The following SH3GLB2 variants were observed in gnomAD, a reference collection of about 807,000 sequenced individuals.
SH3GLB2 encodes SH3 domain containing GRB2 like, endophilin B2, also known as endophilin-B2.
A neutral mutation model predicts 48.0 loss-of-function variants in SH3GLB2; 24 were observed. The ratio of observed to expected loss-of-function variants is 0.50; its 90% CI spans 0.36 to 0.70. SH3GLB2 has a LOEUF of 0.70. Among genes scored for constraint, SH3GLB2 ranks in the 30% least tolerant of loss-of-function variants. SH3GLB2 has a pLI of 0.00. For synonymous variants in SH3GLB2, 227 were observed against 207.6 expected (o/e 1.09, Z -0.80); for missense variants, 425 against 516.0 (o/e 0.82, Z 1.71).
rs1480757323 is a variant in SH3GLB2, at chr9:129,009,634, G to A, written c.839+137C>T. 2.1e-5 allele frequency: 29 copies of A among 1,376,910 alleles called. 1 individual carries two copies. Among genetic ancestry groups the A allele is most frequent in the South Asian group, 1.6e-4 (12 of 77,172 alleles). 85.3% of individuals were successfully genotyped at this position (1,376,910 alleles called of 1,614,324 possible). A position where few individuals can be genotyped will look rare whatever the true frequency, so the allele number is the denominator to read the frequency against. On this transcript the variant is annotated intron_variant, in intron 9 of 10. Coordinates refer to ENST00000372564, the MANE Select transcript of SH3GLB2 (RefSeq NM_020145.4). ...CCACCCTCATACACATGAGATGCCC[G>A]CACCCAGAGTGGGTTCCAGCAGAGC... is the stretch of plus-strand genomic sequence containing the variant.
rs1260636441 is a variant in SH3GLB2 at position 129,014,721 on chromosome 9, G to C, written c.468+50C>G. ...AGAGCCTGTACTCAAAGGCTCTGAG[G>C]AGGGAACTGCCATGGTTACCAGGAA... On this transcript the variant is annotated intron_variant, in intron 4 of 10. Coordinates refer to ENST00000372564, the MANE Select transcript of SH3GLB2 (RefSeq NM_020145.4). This position sits in a 1 kb window ranked among gnomAD's most constrained non-coding sequence, Gnocchi z 4.1. 3 of 1,590,804 alleles carry C rather than the reference G, an allele frequency of 1.9e-6. No individual in the cohort carries two copies. Among genetic ancestry groups the C allele is most frequent in the East Asian group, 4.5e-5 (2 of 44,728 alleles).
In SH3GLB2 at chr9:129,028,312, G is replaced by A; in HGVS notation, c.-158C>T. The A allele has an allele frequency of 6.5e-6, 2 of 309,600 alleles. No homozygotes were observed. Among genetic ancestry groups the A allele is most frequent in the Non-Finnish European group, 9.3e-6 (2 of 215,314 alleles). The allele number at this position is 309,600 out of a possible 1,614,324, so 19.2% of individuals were successfully genotyped here. On this transcript the variant is annotated 5_prime_UTR_variant, in exon 1 of 11. Transcript: ENST00000372564. ...CGCCTGCCCGCCCGCCGCAGCCGCC[G>A]AGCCAGCCCGAGCGCGCAGGGCGGG...
chr9:129,012,614 G>A (rs1185654610), intron 5 of SH3GLB2: 1 of 425,956 alleles, frequency 2.3e-6, no homozygotes, highest in East Asian at 3.6e-5. Context: ...AGGGGCCACA[G>A]CCCCCTCCTC....
At chr9:129,025,765 C>G (rs1844125490) in intron 1 of SH3GLB2, among the ~76,000 whole-genome samples, 1 of 151,804 alleles carries the variant, frequency 6.6e-6, no homozygotes, top group Non-Finnish European at 1.5e-5. Flanking sequence ...CAGAGCAGCA[C>G]TCCCCACCCC....
chr9:129,009,837 T>C lies in SH3GLB2; in HGVS notation c.773A>G (p.Lys258Arg), dbSNP rs1298772297. ...NHLRCLHEFV[K>R]SQTTYYAQCY... Reference sequence around the variant, plus strand: ...CTGTGCGTAGTAGGTTGTCTGAGACTTGACGAACTCGTGGAGGCAGCGCAG... The same window carrying C: ...CTGTGCGTAGTAGGTTGTCTGAGACCTGACGAACTCGTGGAGGCAGCGCAG... The change falls in exon 9 of 11, where the codon AAG becomes AGG. Residue 258 changes from lysine (K) to arginine (R), a missense_variant. Lys to Arg is a conservative substitution (Grantham distance 26). Transcript: ENST00000372564. 4 of 1,614,042 alleles carry C rather than the reference T, an allele frequency of 2.5e-6. No homozygotes were observed. Among genetic ancestry groups the C allele is most frequent in the Non-Finnish European group, 3.4e-6 (4 of 1,179,960 alleles).
intron 7 of SH3GLB2, 130 bp downstream of exon 7, chr9:129,010,540 G>C: frequency 9.5e-7 from 1 of 1,056,266 alleles, no homozygotes. Flanking sequence ...GGCCCAGGGA[G>C]GGAAAGCAGT....
At chr9:129,021,692 C>T (rs1256120512) in intron 2 of SH3GLB2, among the ~76,000 whole-genome samples, 2 of 151,750 alleles carry the variant, frequency 1.3e-5, no homozygotes, top group Non-Finnish European at 2.9e-5. Context: ...GACACGGTGG[C>T]TCCTGCCTAT....
In SH3GLB2 at chr9:129,008,436, G is replaced by A. The variant is rs551551690; in HGVS notation, c.*248C>T. On this transcript the variant is annotated 3_prime_UTR_variant, in exon 11 of 11. Coordinates refer to ENST00000372564, the MANE Select transcript of SH3GLB2 (RefSeq NM_020145.4). ...CCCTCCCTCCTTAGTGGAGCCTGGA[G>A]GGTGGGGTGCTCGGGGATGCAGGCA... 1 of 468,302 alleles carries A rather than the reference G, an allele frequency of 2.1e-6. No homozygotes were observed. The highest frequency in any genetic ancestry group is 2.0e-5 in the South Asian group (1 of 48,798). 29.0% of individuals were successfully genotyped at this position (468,302 alleles called of 1,614,324 possible). A position where few individuals can be genotyped will look rare whatever the true frequency, so the allele number is the denominator to read the frequency against.
intron 1 of SH3GLB2, among the ~76,000 whole-genome samples, chr9:129,025,802 C>T (rs1306318521): frequency 6.6e-6 from 1 of 151,466 alleles, no homozygotes; most frequent in African/African-American, 2.4e-5. Context: ...CACATCTGCC[C>T]AGGTGAGAAG....
rs533780724 is a variant in SH3GLB2 at position 129,025,515 on chromosome 9, G to A, written c.63+2577C>T. Reference sequence around the variant, plus strand: ...TGAAAGGTGGAGGTTGCAGTGAGCCGAGATTGTGCCACTGCACTCCAGCCT... The same window carrying A: ...TGAAAGGTGGAGGTTGCAGTGAGCCAAGATTGTGCCACTGCACTCCAGCCT... On this transcript the variant is annotated intron_variant, in intron 1 of 10. Transcript: ENST00000372564. 2.6e-5 allele frequency among the ~76,000 whole-genome samples: 4 copies of A among 151,350 alleles called. No homozygotes were observed. In the East Asian group the frequency reaches 5.8e-4, roughly 22 times the overall value.
At chr9:129,025,747 C>A (rs1005950737) in intron 1 of SH3GLB2, among the ~76,000 whole-genome samples, 33 of 151,840 alleles carry the variant, frequency 2.2e-4, no homozygotes, top group African/African-American at 7.0e-4. Flanking sequence ...CCCCTCCTTA[C>A]CAAGGTTCAG....
rs1389621274 is a variant in SH3GLB2 at position 129,014,828 on chromosome 9, G to C, written c.411C>G (p.Ser137=). The C allele has an allele frequency of 6.2e-7, 1 of 1,613,976 alleles. No homozygotes were observed. Among genetic ancestry groups the C allele is most frequent in the Admixed American group, 1.7e-5 (1 of 59,986 alleles). ...TGCGCAAGGGTGTGAGGAAGCTGAT[G>C]GAGGCCGTGTGGATAAAATCCCTCT... The part of the protein sequence containing the change: ...AAERDFIHTA[S]ISFLTPLRNF... Residue 137 remains serine (S), a synonymous_variant, in exon 4 of 11, where the codon TCC becomes TCG. Transcript: ENST00000372564. This position sits in a 1 kb window ranked among gnomAD's most constrained non-coding sequence, Gnocchi z 4.1.
intron 1 of SH3GLB2, among the ~76,000 whole-genome samples, chr9:129,024,823 A>G (rs962360743): frequency 2.0e-5 from 3 of 151,368 alleles, no homozygotes; most frequent in African/African-American, 7.3e-5. Context: ...ACAAAAAATT[A>G]GCCAAGCGTG....
At chr9:129,024,927 G>A (rs533511639) in intron 1 of SH3GLB2, among the ~76,000 whole-genome samples, 3 of 147,766 alleles carry the variant, frequency 2.0e-5, no homozygotes, top group Non-Finnish European at 4.5e-5. Context: ...CCGAGATCAC[G>A]CCACTGCACT....
chr9:129,018,495 T>C (rs188941344), intron 3 of SH3GLB2, among the ~76,000 whole-genome samples: 8 of 151,006 alleles, frequency 5.3e-5, no homozygotes, highest in African/African-American at 2.0e-4. Context: ...GAGAATTGCT[T>C]GAACCCAGGA....
chr9:129,010,969 G>T, intron 6 of SH3GLB2: 1 of 517,200 alleles, frequency 1.9e-6, no homozygotes, highest in Non-Finnish European at 3.5e-6. Flanking sequence ...TCTCTGAGTG[G>T]GGTCTCAAGA....
Position 129,008,255 on chromosome 9 carries a change from G to C in SH3GLB2, c.*429C>G, listed in dbSNP as rs1284158514. ...CCCAGGGGCAGCGCCCAGTCCCCAG[G>C]GGCTGCCAGAGCCCTGTGTGCCTTG... is the stretch of plus-strand genomic sequence containing the variant. On this transcript the variant is annotated 3_prime_UTR_variant, in exon 11 of 11. Coordinates refer to ENST00000372564, the MANE Select transcript of SH3GLB2 (RefSeq NM_020145.4). 5.0e-6 allele frequency: 1 copy of C among 198,470 alleles called. No homozygotes were observed. Among genetic ancestry groups the C allele is most frequent in the African/African-American group, 2.4e-5 (1 of 42,530 alleles). The allele number at this position is 198,470 out of a possible 1,614,324, so 12.3% of individuals were successfully genotyped here.
Position 129,008,806 on chromosome 9 carries a change from G to A in SH3GLB2, c.1081-15C>T, listed in dbSNP as rs1236034306. On this transcript the variant is annotated splice_polypyrimidine_tract_variant and intron_variant, in intron 10 of 10. Transcript: ENST00000372564. ...ACAGTGATGAGCTGCAGAGATGGCA[G>A]TAGAGGACGGTCATGGCCTGGCCAA... 2 of 1,610,286 alleles carry A rather than the reference G, an allele frequency of 1.2e-6. No individual in the cohort carries two copies. The highest frequency in any genetic ancestry group is 1.7e-5 in the Admixed American group (1 of 59,938).
At chr9:129,008,832 G>A in intron 10 of SH3GLB2, 41 bp from the exon 11 acceptor site, 1 of 1,570,990 alleles carries the variant, frequency 6.4e-7, no homozygotes, top group Non-Finnish European at 8.7e-7. Context: ...GCCTGGCCAA[G>A]GGTGGAACTG....
Sources: allele counts gnomAD v4.1 joint callset (sites outside exome capture counted in the v4.1 genomes callset), GRCh38; gene constraint gnomAD v4.1.1; non-coding constraint Gnocchi (gnomAD v3.1); transcripts MANE v1.5; gene names NCBI Gene and HGNC (gene_info 2026-07-23, HGNC 2026-07-21).